Variants in REV3L observed in about 807,000 individuals in gnomAD.
REV3L encodes REV3 like, DNA directed polymerase zeta catalytic subunit.
In REV3L, 69 loss-of-function variants were observed where a neutral mutation model predicts 299.4. That is an observed-to-expected ratio of 0.23 (90% CI 0.19 to 0.28). The LOEUF (loss-of-function observed/expected upper bound fraction) is 0.28. Ranked by LOEUF, REV3L falls within the 10% of genes least tolerant of loss-of-function variation. The pLI is 1.00. For synonymous variants in REV3L, 1,238 were observed against 1,271.4 expected (o/e 0.97, Z 0.56); for missense variants, 3,128 against 3,693.8 (o/e 0.85, Z 3.97).
At chr6:111,478,048 T>C (rs1248176708) in intron 1 of REV3L, among the ~76,000 whole-genome samples, 3 of 152,332 alleles carry the variant, frequency 2.0e-5, no homozygotes, top group Middle Eastern at 6.8e-3. Context: ...CTAATATACA[T>C]TGCCAAACTG....
At chr6:111,475,287 A>G (rs1307428470) in intron 1 of REV3L, among the ~76,000 whole-genome samples, 2 of 152,168 alleles carry the variant, frequency 1.3e-5, no homozygotes, top group Non-Finnish European at 2.9e-5. Flanking sequence ...GCATGTTTCC[A>G]ATCTTTTGCA....
At chr6:111,334,133 T>G (rs1427097172) in intron 22 of REV3L, among the ~76,000 whole-genome samples, 67 of 152,108 alleles carry the variant, frequency 4.4e-4, no homozygotes, top group Admixed American at 4.4e-3. Context: ...GAGATGGGGT[T>G]TCATCATGTT....
At chr6:111,396,537 A>T (rs1378260670) in intron 4 of REV3L, among the ~76,000 whole-genome samples, 1 of 152,064 alleles carries the variant, frequency 6.6e-6, no homozygotes, top group African/African-American at 2.4e-5. Context: ...CCCCTCTTCA[A>T]ATTTCTAGAC....
chr6:111,472,214 AT>A, intron 1 of REV3L: 1 of 871,060 alleles, frequency 1.1e-6, no homozygotes, highest in Non-Finnish European at 1.5e-6. Context: ...TTAACTTTAC[AT>A]TTTTCACATA....
upstream of REV3L, chr6:111,483,522 C>A (rs547678284): frequency 8.5e-5 from 42 of 493,308 alleles, no homozygotes; most frequent in South Asian, 6.7e-4. Context: ...GAGGGGCTTG[C>A]GGGAGGGGGG....
chr6:111,419,077 A>C (rs572065269), intron 1 of REV3L, among the ~76,000 whole-genome samples: 36 of 152,300 alleles, frequency 2.4e-4, no homozygotes, highest in Admixed American at 7.2e-4. Flanking sequence ...AACATATTGC[A>C]CTTTCCTACC....
At chr6:111,430,282 T>C in intron 1 of REV3L, 2 of 1,044,736 alleles carry the variant, frequency 1.9e-6, no homozygotes, top group South Asian at 1.3e-5. Context: ...AGAGAAAAGA[T>C]CCAAGTGCTT....
At chr6:111,404,026 G>A (rs1479879278) in intron 4 of REV3L, among the ~76,000 whole-genome samples, 1 of 152,166 alleles carries the variant, frequency 6.6e-6, no homozygotes, top group African/African-American at 2.4e-5. Context: ...ACTGATGAAG[G>A]TGGATACACT....
intron 1 of REV3L, among the ~76,000 whole-genome samples, chr6:111,457,792 G>C (rs1470397844): frequency 6.6e-6 from 1 of 151,824 alleles, no homozygotes; most frequent in African/African-American, 2.4e-5. Flanking sequence ...TACATGAAGA[G>C]ACAATGGCTA....
intron 1 of REV3L, among the ~76,000 whole-genome samples, chr6:111,435,992 CA>C (rs1787505945): frequency 6.6e-6 from 1 of 152,094 alleles, no homozygotes; most frequent in African/African-American, 2.4e-5. Flanking sequence ...TTTAAATAGG[CA>C]AAAGGTCTGA....
intron 26 of REV3L, among the ~76,000 whole-genome samples, chr6:111,317,119 T>C (rs947359465): frequency 3.9e-5 from 6 of 152,188 alleles, no homozygotes; most frequent in Non-Finnish European, 4.4e-5. Flanking sequence ...TCTTGAAACA[T>C]GACTTTAAGA....
intron 31 of REV3L, among the ~76,000 whole-genome samples, chr6:111,302,235 A>G (rs1485919557): frequency 6.6e-6 from 1 of 152,220 alleles, no homozygotes; most frequent in African/African-American, 2.4e-5. Flanking sequence ...TCTATGATGA[A>G]GCCTTTGCTA....
At chr6:111,323,753 A>G (rs1455671852) in intron 25 of REV3L, among the ~76,000 whole-genome samples, 1 of 152,242 alleles carries the variant, frequency 6.6e-6, no homozygotes, top group Non-Finnish European at 1.5e-5. Flanking sequence ...CATAAAACAT[A>G]AATGGAGCAT....
chr6:111,482,651 C>A (rs1793896533), intron 1 of REV3L, 99 bp downstream of exon 1: 2 of 708,012 alleles, frequency 2.8e-6, no homozygotes, highest in South Asian at 6.6e-5. Flanking sequence ...TCCACGGAGA[C>A]GGCCGGCGCC....
intron 1 of REV3L, among the ~76,000 whole-genome samples, chr6:111,463,684 T>C (rs1791065659): frequency 2.0e-5 from 3 of 152,222 alleles, no homozygotes; most frequent in Non-Finnish European, 2.9e-5. Flanking sequence ...AGAAAAACTT[T>C]GTAGCAGATC....
chr6:111,359,349 T>A (rs989395525), intron 16 of REV3L, among the ~76,000 whole-genome samples: 1 of 152,008 alleles, frequency 6.6e-6, no homozygotes, highest in Non-Finnish European at 1.5e-5. Context: ...GTCTGTCACG[T>A]TTTACTCTTC....
chr6:111,425,695 G>C (rs1488716166), intron 1 of REV3L, among the ~76,000 whole-genome samples: 1 of 151,762 alleles, frequency 6.6e-6, no homozygotes, highest in East Asian at 1.9e-4. Flanking sequence ...GCAGACAACA[G>C]AAACTGTTCA....
chr6:111,435,043 A>G (rs1787389325), intron 1 of REV3L, among the ~76,000 whole-genome samples: 1 of 152,132 alleles, frequency 6.6e-6, no homozygotes, highest in South Asian at 2.1e-4. Flanking sequence ...TGTCTCTACA[A>G]AAAATACAAA....
intron 25 of REV3L, among the ~76,000 whole-genome samples, chr6:111,326,949 G>A (rs566449438): frequency 6.6e-5 from 10 of 152,158 alleles, no homozygotes; most frequent in Admixed American, 1.3e-4. Context: ...GTACTGTTGC[G>A]AAGTTAGCAT....
Sources: allele counts gnomAD v4.1 joint callset (sites outside exome capture counted in the v4.1 genomes callset), GRCh38; gene constraint gnomAD v4.1.1; transcripts MANE v1.5; gene names NCBI Gene and HGNC (gene_info 2026-07-23, HGNC 2026-07-21).